TLE1: variants seen among roughly 807,000 people sequenced by gnomAD.
TLE1 encodes the protein TLE family member 1, transcriptional corepressor, also known as transducin-like enhancer protein 1.
In TLE1, 21 loss-of-function variants were observed where a neutral mutation model predicts 89.8. The ratio of observed to expected loss-of-function variants is 0.23; its 90% confidence interval spans 0.17 to 0.34. TLE1 has a LOEUF of 0.34. Among genes scored for constraint, TLE1 ranks in the 10% least tolerant of loss-of-function variants. The pLI is 1.00. For synonymous variants in TLE1, 447 were observed against 407.6 expected (o/e 1.10, Z -1.16); for missense variants, 795 against 1,031.2 (o/e 0.77, Z 3.14).
At chr9:81,587,503 G>C (rs1171918676) in intron 17 of TLE1, among the ~76,000 whole-genome samples, 178 bp downstream of exon 17, 1 of 152,156 alleles carries the variant, frequency 6.6e-6, no homozygotes, top group Non-Finnish European at 1.5e-5. Flanking sequence ...GGAAGGTAGG[G>C]GGAGGGTCGT....
chr9:81,642,231 G>A (rs1828221031), intron 6 of TLE1, among the ~76,000 whole-genome samples: 1 of 152,090 alleles, frequency 6.6e-6, no homozygotes, highest in Non-Finnish European at 1.5e-5. Flanking sequence ...TCTCAAAAAG[G>A]TTAATTATCC....
chr9:81,660,444 C>T (rs1191943203), intron 4 of TLE1, among the ~76,000 whole-genome samples: 2 of 151,792 alleles, frequency 1.3e-5, no homozygotes, highest in South Asian at 2.1e-4. Flanking sequence ...GACAGAGTCT[C>T]GTTCTGTCGC....
At chr9:81,627,760 T>C (rs1826079593) in intron 8 of TLE1, among the ~76,000 whole-genome samples, 1 of 152,228 alleles carries the variant, frequency 6.6e-6, no homozygotes, top group Admixed American at 6.5e-5. Flanking sequence ...CCTCCTAGGC[T>C]GTGTCTACTT....
rs1028658842 is a variant in TLE1 at position 81,635,968 on chromosome 9, G to C, written c.373-1667C>G. 3.3e-5 allele frequency among the ~76,000 whole-genome samples: 5 copies of C among 152,036 alleles called. No individual in the cohort carries two copies. In the East Asian group the frequency reaches 7.7e-4, roughly 23 times the overall value. ...CAGCCCAAGAGTTTGAGACCAGCCT[G>C]GGCAACATAGGGAGATTCCATCTCT... On this transcript the variant is annotated intron_variant, in intron 6 of 19. Coordinates refer to ENST00000376499, the MANE Select transcript of TLE1 (RefSeq NM_005077.5).
intron 6 of TLE1, among the ~76,000 whole-genome samples, chr9:81,640,741 T>A (rs1420378548): frequency 6.6e-6 from 1 of 152,192 alleles, no homozygotes; most frequent in Non-Finnish European, 1.5e-5. Context: ...CTTTGCTGTT[T>A]ACATTCAGAG....
intron 14 of TLE1, among the ~76,000 whole-genome samples, chr9:81,594,498 G>C (rs996473899): frequency 1.3e-5 from 2 of 151,726 alleles, no homozygotes; most frequent in African/African-American, 4.8e-5. Flanking sequence ...CAATGAGATC[G>C]CGCCACTGCA....
At position 81,620,697 on chromosome 9, in the gene TLE1, C is replaced by T. The variant is rs1825125127; in HGVS notation, c.595-140G>A. 2.1e-6 allele frequency: 3 copies of T among 1,458,180 alleles called. No homozygotes were observed. In the South Asian group the frequency reaches 4.5e-5, roughly 22 times the overall value. 90.3% of individuals were successfully genotyped at this position (1,458,180 alleles called of 1,614,324 possible). A position where few individuals can be genotyped will look rare whatever the true frequency, so the allele number is the denominator to read the frequency against. The stretch of plus-strand genomic sequence containing the variant: ...CCATTTAATTCATCTCATCTAAAGA[C>T]TTTGATGGCAAACATATCTACAGGT... On this transcript the variant is annotated intron_variant, in intron 8 of 19. Coordinates refer to ENST00000376499, the MANE Select transcript of TLE1 (RefSeq NM_005077.5).
chr9:81,644,956 T>C lies in TLE1; in HGVS notation c.372+7258A>G, dbSNP rs200607876. ...TTGCAGTGAGCCGATATCGCACCAC[T>C]GCACACTGCACTCCAGCCTGGGTGA... On this transcript the variant is annotated intron_variant, in intron 6 of 19. Transcript: ENST00000376499. 3.9e-5 allele frequency among the ~76,000 whole-genome samples: 5 copies of C among 129,612 alleles called. No homozygotes were observed. The East Asian group carries it at 1.2e-3, about 30-fold the overall frequency. The allele number at this position is 129,612 out of a possible 152,430, so 85.0% of individuals were successfully genotyped here. A position where few individuals can be genotyped will look rare whatever the true frequency, so the allele number is the denominator to read the frequency against.
Position 81,660,777 on chromosome 9 carries a change from A to G in TLE1, c.235-6741T>C, listed in dbSNP as rs115228506. On this transcript the variant is annotated intron_variant, in intron 4 of 19. Transcript: ENST00000376499. ...GACCTCAGAGATCAGCAATCAATCA[A>G]ACTCTAGTGTATTCTGCGACTTTTA... Among the ~76,000 whole-genome samples, 384 of 151,272 alleles carry G rather than the reference A, an allele frequency of 2.5e-3. 3 individuals are homozygous for G. The highest frequency in any genetic ancestry group is 8.8e-3 in the African/African-American group (362 of 41,302).
intron 8 of TLE1, among the ~76,000 whole-genome samples, chr9:81,624,851 C>T (rs762663570): frequency 6.6e-6 from 1 of 152,018 alleles, no homozygotes; most frequent in South Asian, 2.1e-4. Context: ...GTAATACAGC[C>T]CACGGAGGAC....
intron 8 of TLE1, among the ~76,000 whole-genome samples, chr9:81,631,088 C>T (rs1243211582): frequency 6.6e-6 from 1 of 152,164 alleles, no homozygotes; most frequent in Non-Finnish European, 1.5e-5. Flanking sequence ...AAAAAAGATA[C>T]ATGTCCAAAA....
rs182561349 is a variant in TLE1, at chr9:81,675,741, G to A, written c.234+9935C>T. On this transcript the variant is annotated intron_variant, in intron 4 of 19. Coordinates refer to ENST00000376499, the MANE Select transcript of TLE1 (RefSeq NM_005077.5). ...TTTTGAGACGGAGTCTCGCTCTGTC[G>A]CCAGGCTGGAGTGCAGTGGCATGAT... Among the ~76,000 whole-genome samples the A allele has an allele frequency of 1.6e-3, 208 of 127,818 alleles. 2 individuals carry two copies. The highest frequency in any genetic ancestry group is 6.7e-3 in the African/African-American group (193 of 28,994). The allele number at this position is 127,818 out of a possible 152,430, so 83.9% of individuals were successfully genotyped here.
chr9:81,595,042 C>T (rs1471501123), intron 14 of TLE1, among the ~76,000 whole-genome samples: 8 of 151,934 alleles, frequency 5.3e-5, no homozygotes, highest in Non-Finnish European at 8.8e-5. Flanking sequence ...GCTTTTTGGC[C>T]CAAATCCTTA....
chr9:81,587,366 A>T (rs1356856666), intron 17 of TLE1, among the ~76,000 whole-genome samples: 1 of 152,234 alleles, frequency 6.6e-6, no homozygotes, highest in East Asian at 1.9e-4. Flanking sequence ...TATGTGCCAC[A>T]GATCAAACAC....
intron 14 of TLE1, among the ~76,000 whole-genome samples, chr9:81,604,029 A>G (rs1831306736): frequency 2.0e-5 from 3 of 152,300 alleles, no homozygotes; most frequent in South Asian, 4.1e-4. Flanking sequence ...CAACAAAAAA[A>G]GGTGATACAA....
intron 2 of TLE1, 29 bp from the exon 3 acceptor site, chr9:81,685,925 T>C: frequency 6.2e-7 from 1 of 1,610,376 alleles, no homozygotes; most frequent in South Asian, 1.1e-5. Context: ...CAACTTAATG[T>C]AAACATTATG....
chr9:81,591,881 C>T (rs1829568432), intron 15 of TLE1, among the ~76,000 whole-genome samples: 1 of 152,194 alleles, frequency 6.6e-6, no homozygotes, highest in South Asian at 2.1e-4. Flanking sequence ...CACCGCCACT[C>T]TGCTTTTTGG....
intron 2 of TLE1, among the ~76,000 whole-genome samples, chr9:81,687,119 G>C (rs1030365114): frequency 9.2e-5 from 14 of 152,324 alleles, no homozygotes; most frequent in African/African-American, 3.1e-4. Flanking sequence ...AGTGCAAACC[G>C]GCAAAAGGGA....
intron 4 of TLE1, among the ~76,000 whole-genome samples, chr9:81,660,819 G>A (rs190215262): frequency 4.6e-5 from 7 of 150,998 alleles, no homozygotes; most frequent in South Asian, 2.1e-4. Context: ...AGATATGGCC[G>A]GGCGTGGTGG....
Sources: gnomAD v4.1 joint callset for allele counts (sites outside exome capture counted in the v4.1 genomes callset) on GRCh38, gnomAD v4.1.1 for gene constraint, MANE v1.5 for transcripts, NCBI Gene and HGNC (gene_info 2026-07-23, HGNC 2026-07-21) for gene names.